The following CPQ variants were observed in gnomAD, a reference collection of about 807,000 sequenced individuals.
The protein encoded by CPQ is Ser-Met dipeptidase.
Under a neutral mutation model 45.7 loss-of-function variants are expected in CPQ, and 37 were observed. That is an observed-to-expected ratio of 0.81 (90% CI 0.62 to 1.07). The LOEUF is 1.07. CPQ is among the 50% of genes least tolerant of loss of function. The pLI is 0.00. For synonymous variants in CPQ, 186 were observed against 205.8 expected, an observed-to-expected ratio of 0.90 and a Z score of 0.82; for missense variants, 537 against 572.9, an observed-to-expected ratio of 0.94 and a Z score of 0.64.
chr8:97,138,836 T>C (rs772756461), intron 7 of CPQ, among the ~76,000 whole-genome samples: 3 of 152,138 alleles, frequency 2.0e-5, no homozygotes, highest in Middle Eastern at 3.4e-3. Context: ...TAACCTATAA[T>C]TTCCAAGGTC....
chr8:96,749,776 G>T (rs896837582), intron 1 of CPQ, among the ~76,000 whole-genome samples: 3 of 152,182 alleles, frequency 2.0e-5, no homozygotes, highest in Non-Finnish European at 4.4e-5. Context: ...AATTGGTACA[G>T]CCTTTCTGGA....
At chr8:96,684,935 T>TAA (rs111289419) in intron 1 of CPQ, among the ~76,000 whole-genome samples, 1 of 145,366 alleles carries the variant, frequency 6.9e-6, no homozygotes, top group Non-Finnish European at 1.5e-5. Context: ...CCATCTCTAC[T>TAA]AAAAAAAAAA....
At chr8:96,810,579 T>C (rs551668230) in intron 2 of CPQ, among the ~76,000 whole-genome samples, 10 of 152,342 alleles carry the variant, frequency 6.6e-5, no homozygotes, top group Middle Eastern at 6.8e-3. Flanking sequence ...AGTAAAGCAG[T>C]TCACACACAT....
intron 1 of CPQ, among the ~76,000 whole-genome samples, chr8:96,646,170 G>A (rs1159303543): frequency 6.6e-6 from 1 of 151,834 alleles, no homozygotes; most frequent in African/African-American, 2.4e-5. Context: ...GCAAATGGAG[G>A]CATTCTGATT....
At chr8:96,793,533 C>T (rs1030591742) in intron 2 of CPQ, among the ~76,000 whole-genome samples, 4 of 152,166 alleles carry the variant, frequency 2.6e-5, no homozygotes, top group African/African-American at 9.7e-5. Flanking sequence ...AATTCAAGAT[C>T]AGAGTTGGGT....
At chr8:96,869,792 TC>T (rs1239199452) in intron 3 of CPQ, among the ~76,000 whole-genome samples, 1 of 152,018 alleles carries the variant, frequency 6.6e-6, no homozygotes, top group East Asian at 1.9e-4. Flanking sequence ...TAGCAAGACT[TC>T]CATGTTATTC....
At chr8:96,891,793 A>T (rs562319003) in intron 4 of CPQ, among the ~76,000 whole-genome samples, 3 of 152,328 alleles carry the variant, frequency 2.0e-5, no homozygotes, top group Non-Finnish European at 2.9e-5. Flanking sequence ...AACAAGCAAC[A>T]GTGATAGAAG....
At chr8:97,055,394 C>G (rs952025153) in intron 6 of CPQ, 7 of 152,222 alleles carry the variant, frequency 4.6e-5, no homozygotes, top group African/African-American at 1.7e-4. Flanking sequence ...CTAACTTTTT[C>G]AGCCTTTTGA....
intron 1 of CPQ, among the ~76,000 whole-genome samples, chr8:96,728,670 C>T (rs762554965): frequency 3.3e-5 from 5 of 152,106 alleles, no homozygotes; most frequent in Non-Finnish European, 7.4e-5. Flanking sequence ...CTTCATAAAT[C>T]ACACAACTTT....
At chr8:97,009,669 C>G (rs1273116788) in intron 5 of CPQ, among the ~76,000 whole-genome samples, 11 of 152,170 alleles carry the variant, frequency 7.2e-5, no homozygotes, top group African/African-American at 2.4e-4. Context: ...GCTATATCAT[C>G]CACATCTTGA....
chr8:96,881,754 G>A (rs1812226329), intron 4 of CPQ, among the ~76,000 whole-genome samples: 1 of 152,168 alleles, frequency 6.6e-6, no homozygotes, highest in African/African-American at 2.4e-5. Flanking sequence ...TAAAGGGATG[G>A]TATGCAAGTA....
intron 4 of CPQ, among the ~76,000 whole-genome samples, chr8:96,955,272 T>A (rs964642083): frequency 1.3e-5 from 2 of 152,178 alleles, no homozygotes; most frequent in Non-Finnish European, 2.9e-5. Context: ...GTTTCCTGAC[T>A]TTTTAATGAT....
At chr8:97,100,505 G>A (rs1811285254) in intron 7 of CPQ, among the ~76,000 whole-genome samples, 1 of 152,306 alleles carries the variant, frequency 6.6e-6, no homozygotes, top group South Asian at 2.1e-4. Flanking sequence ...ATAGAATCCA[G>A]GCAGGTCAGG....
At chr8:96,865,280 A>G (rs1554573948) in intron 3 of CPQ, among the ~76,000 whole-genome samples, 1 of 151,984 alleles carries the variant, frequency 6.6e-6, no homozygotes, top group Non-Finnish European at 1.5e-5. Context: ...GAACACTTGA[A>G]CTAGTTCTTT....
Position 96,957,802 on chromosome 8 carries a change from A to C in CPQ, c.850-8133A>C, listed in dbSNP as rs543995835. Reference sequence around the variant, plus strand: ...TGACTGAGTGAAACTGTGTCTCAAAAAAACAAAAAAAAAAAAGTCTGTAGG... The same window carrying C: ...TGACTGAGTGAAACTGTGTCTCAAACAAACAAAAAAAAAAAAGTCTGTAGG... On this transcript the variant is annotated intron_variant, in intron 4 of 7. Coordinates refer to ENST00000220763, the MANE Select transcript of CPQ (RefSeq NM_016134.4). 2.0e-5 allele frequency among the ~76,000 whole-genome samples: 3 copies of C among 151,558 alleles called. No individual in the cohort carries two copies. The South Asian group carries it at 6.4e-4, about 32-fold the overall frequency.
At chr8:96,816,181 C>T (rs1811226784) in intron 2 of CPQ, among the ~76,000 whole-genome samples, 1 of 152,148 alleles carries the variant, frequency 6.6e-6, no homozygotes, top group Admixed American at 6.6e-5. Flanking sequence ...CAAATCCTGC[C>T]ATTGCCTTAT....
At chr8:96,664,223 T>C (rs886366135) in intron 1 of CPQ, among the ~76,000 whole-genome samples, 1 of 152,142 alleles carries the variant, frequency 6.6e-6, no homozygotes, top group East Asian at 1.9e-4. Flanking sequence ...AATTAGATAA[T>C]TGGTACAGTA....
chr8:97,088,873 T>C (rs771469200), intron 7 of CPQ, among the ~76,000 whole-genome samples: 9 of 152,180 alleles, frequency 5.9e-5, no homozygotes, highest in Non-Finnish European at 8.8e-5. Context: ...AAGAAATAGA[T>C]TGCCTGTAGC....
rs137895372 is a variant in CPQ, at chr8:96,896,832, T to A, written c.849+16827T>A. On this transcript the variant is annotated intron_variant, in intron 4 of 7. Coordinates refer to ENST00000220763, the MANE Select transcript of CPQ (RefSeq NM_016134.4). ...GAATGAACATGAATGAGCTAATGAA[T>A]GAAAGAAAAGTTATGCCTTCTGCAC... Among the ~76,000 whole-genome samples, 81 of 152,244 alleles carry A rather than the reference T, an allele frequency of 5.3e-4. 1 individual carries two copies. The highest frequency in any genetic ancestry group is 1.9e-3 in the African/African-American group (78 of 41,560).
Sources: gnomAD v4.1 joint callset for allele counts (sites outside exome capture counted in the v4.1 genomes callset) on GRCh38, gnomAD v4.1.1 for gene constraint, MANE v1.5 for transcripts, NCBI Gene and HGNC (gene_info 2026-07-23, HGNC 2026-07-21) for gene names.